The following NLGN1 variants were observed in gnomAD, a reference collection of about 807,000 sequenced individuals.
NLGN1 encodes neuroligin 1.
NLGN1 carries 12 observed loss-of-function variants against 65.5 expected under a neutral mutation model. The ratio of observed to expected loss-of-function variants is 0.18; its 90% CI spans 0.12 to 0.30. The LOEUF (loss-of-function observed/expected upper bound fraction) is 0.30, where lower values mean the gene tolerates loss of function less well. Among genes scored for constraint, NLGN1 ranks in the 10% least tolerant of loss-of-function variants. NLGN1 has a pLI of 1.00. For synonymous variants in NLGN1, 350 were observed against 359.5 expected (o/e 0.97, Z 0.30); for missense variants, 750 against 1,007.1 (o/e 0.74, Z 3.46).
chr3:173,782,073 A>G (rs1781248019), intron 3 of NLGN1, among the ~76,000 whole-genome samples: 1 of 149,392 alleles, frequency 6.7e-6, no homozygotes, highest in South Asian at 2.1e-4. Context: ...AAGCAATCCT[A>G]CTGTTGGAAG....
At chr3:174,000,017 G>T (rs931235173) in intron 4 of NLGN1, among the ~76,000 whole-genome samples, 2 of 151,702 alleles carry the variant, frequency 1.3e-5, no homozygotes, top group Non-Finnish European at 2.9e-5. Flanking sequence ...TCAAAGCAAA[G>T]AATCATAATA....
chr3:173,722,241 C>CTT (rs58327862), intron 3 of NLGN1, among the ~76,000 whole-genome samples: 1,701 of 100,036 alleles, frequency 0.017, 22 homozygotes, highest in Middle Eastern at 0.029. Context: ...TCTTCTTCTT[C>CTT]TTTTTTTTTT....
chr3:174,267,667 G>A (rs1748542975), intron 4 of NLGN1, among the ~76,000 whole-genome samples: 2 of 152,106 alleles, frequency 1.3e-5, no homozygotes, highest in South Asian at 4.1e-4. Flanking sequence ...GCATCTTAGA[G>A]TACTTTCCCT....
intron 2 of NLGN1, among the ~76,000 whole-genome samples, chr3:173,537,625 T>A (rs1498639): frequency 0.029 from 4,361 of 152,276 alleles, 199 homozygotes; most frequent in African/African-American, 0.095. Context: ...TACTTTCTTC[T>A]ACTATGCATT....
intron 4 of NLGN1, among the ~76,000 whole-genome samples, chr3:173,890,259 C>T (rs1735087667): frequency 1.3e-5 from 2 of 152,132 alleles, no homozygotes; most frequent in South Asian, 4.1e-4. Flanking sequence ...TTCTGACTCT[C>T]ATTTCTAGGA....
intron 4 of NLGN1, among the ~76,000 whole-genome samples, chr3:174,080,960 G>A (rs1272680655): frequency 8.0e-6 from 1 of 125,164 alleles, no homozygotes; most frequent in Non-Finnish European, 1.6e-5. Flanking sequence ...TGTGTGTGGT[G>A]ATAGGGGAAG....
chr3:173,744,357 G>A (rs1243225539), intron 3 of NLGN1, among the ~76,000 whole-genome samples: 4 of 152,064 alleles, frequency 2.6e-5, no homozygotes, highest in Admixed American at 6.6e-5. Flanking sequence ...CTTAATTTAA[G>A]GAGGCAATGA....
chr3:173,529,861 A>T (rs1736265860), intron 2 of NLGN1, among the ~76,000 whole-genome samples: 2 of 151,970 alleles, frequency 1.3e-5, no homozygotes, highest in African/African-American at 4.8e-5. Context: ...GGTTGGGTTG[A>T]CCGGCCTCTA....
intron 1 of NLGN1, among the ~76,000 whole-genome samples, chr3:173,431,388 A>ATTCATGCACT (rs372120350): frequency 0.029 from 4,377 of 152,166 alleles, 209 homozygotes; most frequent in African/African-American, 0.1. Flanking sequence ...ATTTCTTTTT[A>ATTCATGCACT]TTCCTTATCA....
At position 173,840,210 on chromosome 3, in the gene NLGN1, A is replaced by G. The variant is rs764925780; in HGVS notation, c.646+32378A>G. 2.4e-4 allele frequency among the ~76,000 whole-genome samples: 37 copies of G among 152,214 alleles called. 2 individuals are homozygous for G. The highest frequency in any genetic ancestry group is 7.4e-5 in the Non-Finnish European group (5 of 68,020). Reference sequence around the variant, plus strand: ...AAATAAATATACTATCATTCAAGAAAAAGGGGACAAAGTCTTCCCAGATCA... The same window carrying G: ...AAATAAATATACTATCATTCAAGAAGAAGGGGACAAAGTCTTCCCAGATCA... On this transcript the variant is annotated intron_variant, in intron 4 of 6. Transcript: ENST00000457714.
intron 3 of NLGN1, among the ~76,000 whole-genome samples, chr3:173,699,925 A>G (rs1211398146): frequency 2.0e-5 from 3 of 152,358 alleles, no homozygotes; most frequent in East Asian, 1.9e-4. Context: ...CTGGTCACAG[A>G]GGTACTATTT....
chr3:173,618,639 C>T (rs1753511103), intron 3 of NLGN1, among the ~76,000 whole-genome samples: 1 of 151,840 alleles, frequency 6.6e-6, no homozygotes, highest in African/African-American at 2.4e-5. Flanking sequence ...GTTAGTGTCC[C>T]CAAAACAGCT....
At chr3:173,891,766 C>T (rs1036444911) in intron 4 of NLGN1, among the ~76,000 whole-genome samples, 4 of 152,160 alleles carry the variant, frequency 2.6e-5, no homozygotes, top group African/African-American at 9.7e-5. Flanking sequence ...GGGTCTTTCT[C>T]ATACCCGGTG....
intron 2 of NLGN1, among the ~76,000 whole-genome samples, chr3:173,560,367 G>A (rs1322572548): frequency 1.3e-5 from 2 of 151,840 alleles, no homozygotes; most frequent in East Asian, 1.9e-4. Context: ...AGAAAAGGAA[G>A]GAAGGAAGAA....
intron 4 of NLGN1, among the ~76,000 whole-genome samples, chr3:173,844,731 G>A (rs1036197773): frequency 2.6e-5 from 4 of 152,162 alleles, no homozygotes; most frequent in Non-Finnish European, 5.9e-5. Context: ...TTTCTTGAAC[G>A]AAGTAAGCAT....
At chr3:173,495,693 A>AC (rs1560337227) in intron 2 of NLGN1, among the ~76,000 whole-genome samples, 5 of 149,956 alleles carry the variant, frequency 3.3e-5, no homozygotes, top group Admixed American at 2.7e-4. Flanking sequence ...AAAAAAAAAA[A>AC]AAAACTCTAT....
rs141944388 is a variant in NLGN1, at chr3:173,838,792, C to T, written c.646+30960C>T. On this transcript the variant is annotated intron_variant, in intron 4 of 6. Transcript: ENST00000457714. The stretch of plus-strand genomic sequence containing the variant: ...ATGGGACTTATGATTGCTGAGGCAA[C>T]GGATTCTATACTCATAGAGTGAAAT... Among the ~76,000 whole-genome samples, 1,187 of 152,204 alleles carry T rather than the reference C, an allele frequency of 7.8e-3. 22 individuals are homozygous for T. Among genetic ancestry groups the T allele is most frequent in the African/African-American group, 0.027 (1,114 of 41,528 alleles).
At chr3:173,603,457 GA>G (rs1560033799) in intron 2 of NLGN1, among the ~76,000 whole-genome samples, 1 of 6,928 alleles carries the variant, frequency 1.4e-4, no homozygotes, top group African/African-American at 2.0e-4. Flanking sequence ...ATCTCTAACA[GA>G]CAGTGAGAAA....
rs531742951 is a variant in NLGN1, at chr3:173,524,023, C to T, written c.-320-80256C>T. 6.4e-4 allele frequency among the ~76,000 whole-genome samples: 95 copies of T among 149,480 alleles called. 2 individuals are homozygous for T. The highest frequency in any genetic ancestry group is 1.5e-3 in the South Asian group (7 of 4,688). On this transcript the variant is annotated intron_variant, in intron 2 of 6. Transcript: ENST00000457714. ...GCAAGCTCTGCCTCCCAAGTTCATG[C>T]CATTCTCCTGCCTTAGCCTCCCGAG...
Sources: gnomAD v4.1 joint callset for allele counts (sites outside exome capture counted in the v4.1 genomes callset) on GRCh38, gnomAD v4.1.1 for gene constraint, MANE v1.5 for transcripts, NCBI Gene and HGNC (gene_info 2026-07-23, HGNC 2026-07-21) for gene names.